Variants in KSR2 observed in about 807,000 individuals in gnomAD.
The protein encoded by KSR2 is kinase suppressor of ras 2.
A neutral mutation model predicts 107.8 loss-of-function variants in KSR2; 25 were observed. The observed-to-expected ratio is 0.23, with a 90% CI of 0.17 to 0.32. KSR2 has a LOEUF of 0.32. Ranked by LOEUF, KSR2 falls within the 10% of genes least tolerant of loss-of-function variation. The pLI is 1.00. For synonymous variants in KSR2, 480 were observed against 507.0 expected, an observed-to-expected ratio of 0.95 and a Z score of 0.71; for missense variants, 887 against 1,268.9, an observed-to-expected ratio of 0.70 and a Z score of 4.57.
chr12:117,638,330 C>T lies in KSR2; in HGVS notation c.1171+29144G>A, dbSNP rs369735297. Among the ~76,000 whole-genome samples the T allele has an allele frequency of 2.9e-4, 44 of 152,172 alleles. No homozygotes were observed. The South Asian group carries it at 8.9e-3, about 31-fold the overall frequency. Reference sequence around the variant, plus strand: ...CATGTAAGATCAACAATGAACAACACGACTGAAGTAATAACATGAAGAGCC... The same window carrying T: ...CATGTAAGATCAACAATGAACAACATGACTGAAGTAATAACATGAAGAGCC... On this transcript the variant is annotated intron_variant, in intron 5 of 19. Transcript: ENST00000339824.
chr12:117,762,527 T>C (rs775420426), intron 3 of KSR2, among the ~76,000 whole-genome samples: 6 of 152,216 alleles, frequency 3.9e-5, no homozygotes, highest in Non-Finnish European at 8.8e-5. Context: ...GGATTTCACA[T>C]GGTTATTGGT....
intron 3 of KSR2, among the ~76,000 whole-genome samples, chr12:117,820,213 T>C (rs1368398184): frequency 6.6e-6 from 1 of 152,154 alleles, no homozygotes; most frequent in Non-Finnish European, 1.5e-5. Flanking sequence ...AGAGGAGCGT[T>C]AAAGTCTAGG....
At chr12:117,925,820 T>C (rs373660909) in intron 1 of KSR2, among the ~76,000 whole-genome samples, 1 of 152,142 alleles carries the variant, frequency 6.6e-6, no homozygotes. Flanking sequence ...AAGTGTGTGC[T>C]GGGGTAGGGG....
intron 4 of KSR2, among the ~76,000 whole-genome samples, chr12:117,669,859 C>A (rs1453500451): frequency 6.6e-6 from 1 of 151,568 alleles, no homozygotes; most frequent in South Asian, 2.1e-4. Flanking sequence ...CATAGTGAGA[C>A]CCTGTCTCTA....
intron 3 of KSR2, among the ~76,000 whole-genome samples, chr12:117,773,431 T>TCTAAG (rs1163438245): frequency 3.9e-5 from 6 of 152,164 alleles, no homozygotes; most frequent in Non-Finnish European, 7.3e-5. Flanking sequence ...TTTCAGAAAG[T>TCTAAG]CTAAGCAAGT....
chr12:117,783,740 A>G (rs1446421), intron 3 of KSR2, among the ~76,000 whole-genome samples: 81,113 of 151,974 alleles, frequency 0.53, 22,431 homozygotes, highest in East Asian at 0.77. Context: ...GTGCTTTGGA[A>G]ATGAGGAGTA....
intron 4 of KSR2, among the ~76,000 whole-genome samples, chr12:117,750,127 G>A (rs1471855830): frequency 6.6e-6 from 1 of 151,924 alleles, no homozygotes; most frequent in Non-Finnish European, 1.5e-5. Flanking sequence ...GCATGCACCT[G>A]TAATCTCAGC....
intron 5 of KSR2, among the ~76,000 whole-genome samples, chr12:117,630,375 G>A (rs1434926470): frequency 6.6e-6 from 1 of 151,812 alleles, no homozygotes; most frequent in Non-Finnish European, 1.5e-5. Flanking sequence ...GTGTGTGTGT[G>A]CATGTGTATG....
At chr12:117,679,275 G>T (rs1439333220) in intron 4 of KSR2, among the ~76,000 whole-genome samples, 2 of 152,146 alleles carry the variant, frequency 1.3e-5, no homozygotes, top group East Asian at 3.9e-4. Flanking sequence ...TATGGTCCAG[G>T]TACCAGCTCC....
chr12:117,799,581 T>C (rs1890757790), intron 3 of KSR2, among the ~76,000 whole-genome samples: 2 of 152,004 alleles, frequency 1.3e-5, no homozygotes, highest in East Asian at 3.9e-4. Context: ...AATTTAATCA[T>C]AGATGATGCA....
chr12:117,792,003 G>C (rs1490188484), intron 3 of KSR2, among the ~76,000 whole-genome samples: 1 of 152,126 alleles, frequency 6.6e-6, no homozygotes, highest in African/African-American at 2.4e-5. Flanking sequence ...TGAAAGATCT[G>C]ACATTCCCTC....
intron 5 of KSR2, among the ~76,000 whole-genome samples, chr12:117,609,750 T>G (rs1881488752): frequency 6.6e-6 from 1 of 152,136 alleles, no homozygotes; most frequent in African/African-American, 2.4e-5. Context: ...GGATGATTCC[T>G]CATGTTGGAG....
chr12:117,809,922 T>TC (rs1891137889), intron 3 of KSR2, among the ~76,000 whole-genome samples: 1 of 152,180 alleles, frequency 6.6e-6, no homozygotes, highest in African/African-American at 2.4e-5. Context: ...TACTTAGTGA[T>TC]TCAGAAAGCA....
chr12:117,901,171 T>C (rs1894671124), intron 1 of KSR2, among the ~76,000 whole-genome samples: 1 of 151,904 alleles, frequency 6.6e-6, no homozygotes, highest in African/African-American at 2.4e-5. Flanking sequence ...GGGTGCAAAA[T>C]GGGAGGCTGC....
intron 1 of KSR2, among the ~76,000 whole-genome samples, chr12:117,937,346 G>T (rs1317878223): frequency 6.6e-6 from 1 of 151,830 alleles, no homozygotes; most frequent in East Asian, 1.9e-4. Flanking sequence ...TTTTCTCCTG[G>T]CTTTATTTCC....
chr12:117,556,363 G>A (rs1034620212), intron 8 of KSR2, among the ~76,000 whole-genome samples: 8 of 152,172 alleles, frequency 5.3e-5, no homozygotes, highest in African/African-American at 1.9e-4. Flanking sequence ...CAATGAGGCT[G>A]ACCCAAGGCA....
intron 14 of KSR2, among the ~76,000 whole-genome samples, chr12:117,486,034 C>T (rs1872444220): frequency 6.6e-6 from 1 of 152,192 alleles, no homozygotes; most frequent in Non-Finnish European, 1.5e-5. Flanking sequence ...CCTCAGACGC[C>T]ACTCAGACAG....
At chr12:117,486,856 T>C (rs1490774834) in intron 14 of KSR2, among the ~76,000 whole-genome samples, 2 of 152,172 alleles carry the variant, frequency 1.3e-5, no homozygotes, top group Non-Finnish European at 2.9e-5. Context: ...ATACGAGGAT[T>C]GAATGAGATA....
chr12:117,562,057 GA>G (rs1878159814), intron 7 of KSR2, among the ~76,000 whole-genome samples: 1 of 152,078 alleles, frequency 6.6e-6, no homozygotes, highest in Non-Finnish European at 1.5e-5. Context: ...AATATTACAG[GA>G]AAATGGGTTG....
Sources: gnomAD v4.1 joint callset for allele counts (sites outside exome capture counted in the v4.1 genomes callset) on GRCh38, gnomAD v4.1.1 for gene constraint, MANE v1.5 for transcripts, NCBI Gene and HGNC (gene_info 2026-07-23, HGNC 2026-07-21) for gene names.